The following MGAT4C variants were observed in gnomAD, a reference collection of about 807,000 sequenced individuals.
MGAT4C encodes alpha-1,3-mannosyl-glycoprotein 4-beta-N-acetylglucosaminyltransferase C.
A neutral mutation model predicts 40.1 loss-of-function variants in MGAT4C; 19 were observed. The ratio of observed to expected loss-of-function variants is 0.47; its 90% CI spans 0.33 to 0.70. The LOEUF is 0.70. Ranked by LOEUF, MGAT4C falls within the 30% of genes least tolerant of loss-of-function variation. The probability of loss-of-function intolerance (pLI) is 0.02; values close to 1 mark genes in which losing one functional copy is unlikely to be tolerated. For synonymous variants in MGAT4C, 181 were observed against 187.1 expected (o/e 0.97, Z 0.27); for missense variants, 491 against 563.2 (o/e 0.87, Z 1.30).
chr12:86,735,524 A>G (rs1301860629), intron 1 of MGAT4C, among the ~76,000 whole-genome samples: 1 of 151,898 alleles, frequency 6.6e-6, no homozygotes, highest in African/African-American at 2.4e-5. Flanking sequence ...ATAATCGTGA[A>G]GAATCTGTGA....
intron 3 of MGAT4C, among the ~76,000 whole-genome samples, chr12:86,344,717 GGTGTGTGTGTGTGTGTGTGTGTGT>G (rs71076188): frequency 7.2e-6 from 1 of 139,414 alleles, no homozygotes; most frequent in African/African-American, 2.7e-5. Context: ...ATCTCTTCTC[GGTGTGTGTGTGTGTGTGTGTGTGT>G]GTGTGTGTGT....
chr12:85,989,998 G>T (rs1885703517), intron 2 of MGAT4C, among the ~76,000 whole-genome samples: 1 of 152,012 alleles, frequency 6.6e-6, no homozygotes, highest in Admixed American at 6.5e-5. Context: ...CTCAGAGTAG[G>T]TGTCAACTGA....
chr12:86,605,580 G>A (rs2136466979), intron 2 of MGAT4C, among the ~76,000 whole-genome samples: 1 of 152,168 alleles, frequency 6.6e-6, no homozygotes, highest in South Asian at 2.1e-4. Flanking sequence ...CATTATCTAA[G>A]TCATTTACTA....
chr12:86,414,986 A>G (rs577451068), intron 3 of MGAT4C, among the ~76,000 whole-genome samples: 2 of 152,112 alleles, frequency 1.3e-5, no homozygotes, highest in Non-Finnish European at 2.9e-5. Context: ...ACAATGATCT[A>G]TGGAAAGATG....
Position 86,601,455 on chromosome 12 carries a change from C to G in MGAT4C, c.-229+125754G>C, listed in dbSNP as rs565829706. Among the ~76,000 whole-genome samples, 10 of 152,174 alleles carry G rather than the reference C, an allele frequency of 6.6e-5. No homozygotes were observed. The East Asian group carries it at 1.9e-3, about 29-fold the overall frequency. The stretch of plus-strand genomic sequence containing the variant: ...CCCCATAAAAACCTTGCACTCAAGC[C>G]CCTGGGGACTACTGCCTGTGGATAG... On this transcript the variant is annotated intron_variant, in intron 2 of 7. Transcript: ENST00000548651.
intron 1 of MGAT4C, among the ~76,000 whole-genome samples, chr12:86,158,176 A>G (rs2135790940): frequency 6.6e-6 from 1 of 152,218 alleles, no homozygotes; most frequent in African/African-American, 2.4e-5. Context: ...TCATAATGAT[A>G]CTCATCTGTG....
intron 2 of MGAT4C, among the ~76,000 whole-genome samples, chr12:86,560,952 G>A (rs1959833645): frequency 6.6e-6 from 1 of 152,118 alleles, no homozygotes; most frequent in African/African-American, 2.4e-5. Context: ...ATACAGTAAA[G>A]TTTCAGGATA....
At position 86,496,694 on chromosome 12, in the gene MGAT4C, A is replaced by C. The variant is rs542641564; in HGVS notation, c.-228-61429T>G. Among the ~76,000 whole-genome samples, 26 of 152,152 alleles carry C rather than the reference A, an allele frequency of 1.7e-4. 2 individuals carry two copies. In the East Asian group the frequency reaches 4.4e-3, roughly 26 times the overall value. On this transcript the variant is annotated intron_variant, in intron 2 of 7. Coordinates refer to the MGAT4C transcript ENST00000548651. ...TCATACAATAAATATTTATATATACATAATGTTCTATTAAAAGGTAAACAC... is the reference window on the plus strand; with the variant it reads ...TCATACAATAAATATTTATATATACCTAATGTTCTATTAAAAGGTAAACAC...
At chr12:86,393,973 CT>C (rs1386208322) in intron 3 of MGAT4C, among the ~76,000 whole-genome samples, 6 of 152,138 alleles carry the variant, frequency 3.9e-5, no homozygotes, top group Non-Finnish European at 8.8e-5. Context: ...AAAATGAAGT[CT>C]GTGATAGACT....
At position 85,967,196 on chromosome 12, in the gene MGAT4C, A is replaced by G. The variant is rs1481088581; in HGVS notation, c.*12093T>C. 1 of 152,178 alleles carries G rather than the reference A, an allele frequency of 6.6e-6. No homozygotes were observed. The allele number at this position is 152,178 out of a possible 1,614,324, so 9.4% of individuals were successfully genotyped here. ...CAGTAAAATTGTGAACAAATCTGGTAAATCTTTTGGTGTTGCAGGTTCATA... is the reference window on the plus strand; with the variant it reads ...CAGTAAAATTGTGAACAAATCTGGTGAATCTTTTGGTGTTGCAGGTTCATA... On this transcript the variant is annotated 3_prime_UTR_variant, in exon 5 of 5. Coordinates refer to ENST00000611864, the MANE Select transcript of MGAT4C (RefSeq NM_001351288.2).
At chr12:86,093,381 A>G (rs1225972599) in intron 1 of MGAT4C, among the ~76,000 whole-genome samples, 1 of 152,128 alleles carries the variant, frequency 6.6e-6, no homozygotes, top group Non-Finnish European at 1.5e-5. Context: ...CTTTGACAGT[A>G]TGCTTTCAGT....
intron 2 of MGAT4C, among the ~76,000 whole-genome samples, chr12:86,671,383 C>T (rs759550496): frequency 1.3e-5 from 2 of 152,114 alleles, no homozygotes; most frequent in Non-Finnish European, 2.9e-5. Flanking sequence ...GGTCAAGTCA[C>T]ATACAAAGGG....
At chr12:86,208,822 TTAAA>T (rs1320717657) in intron 1 of MGAT4C, among the ~76,000 whole-genome samples, 2 of 152,156 alleles carry the variant, frequency 1.3e-5, no homozygotes, top group African/African-American at 4.8e-5. Flanking sequence ...TATAATGTTC[TTAAA>T]TAATAGATTG....
chr12:86,202,866 T>A (rs553956714), intron 1 of MGAT4C, among the ~76,000 whole-genome samples: 1 of 152,270 alleles, frequency 6.6e-6, no homozygotes, highest in South Asian at 2.1e-4. Flanking sequence ...ATTTCAAAAT[T>A]ATTCTTTCAT....
At chr12:86,288,733 A>G (rs1202711129) in intron 4 of MGAT4C, among the ~76,000 whole-genome samples, 1 of 151,986 alleles carries the variant, frequency 6.6e-6, no homozygotes, top group Non-Finnish European at 1.5e-5. Flanking sequence ...GTGTCTGTTC[A>G]TGTTCTTTGC....
chr12:86,632,065 A>G (rs1263247378), intron 2 of MGAT4C, among the ~76,000 whole-genome samples: 4 of 152,062 alleles, frequency 2.6e-5, no homozygotes, highest in African/African-American at 7.3e-5. Context: ...ATAAGAAAAA[A>G]TCAAACAACC....
At chr12:86,418,278 G>A (rs1471309571) in intron 3 of MGAT4C, among the ~76,000 whole-genome samples, 2 of 152,076 alleles carry the variant, frequency 1.3e-5, no homozygotes, top group Admixed American at 1.3e-4. Context: ...TGCTAGAGTG[G>A]TTGATGGATG....
chr12:86,766,173 A>T (rs1951504198), intron 1 of MGAT4C, among the ~76,000 whole-genome samples: 1 of 152,150 alleles, frequency 6.6e-6, no homozygotes, highest in Non-Finnish European at 1.5e-5. Flanking sequence ...ATGGAGGAAG[A>T]TCAACCAAGC....
At chr12:86,322,238 G>A (rs7980161) in intron 4 of MGAT4C, among the ~76,000 whole-genome samples, 2 of 109,072 alleles carry the variant, frequency 1.8e-5, no homozygotes, top group African/African-American at 6.7e-5. Flanking sequence ...TGGGGGGAGG[G>A]GGGAGGGAGA....
Sources: gnomAD v4.1 joint callset for allele counts (sites outside exome capture counted in the v4.1 genomes callset) on GRCh38, gnomAD v4.1.1 for gene constraint, MANE v1.5 for transcripts, NCBI Gene and HGNC (gene_info 2026-07-23, HGNC 2026-07-21) for gene names.